LIMA1: variants seen among roughly 807,000 people sequenced by gnomAD.
LIMA1 encodes the protein LIM domain and actin binding 1.
Under a neutral mutation model 62.6 loss-of-function variants are expected in LIMA1, and 52 were observed. The ratio of observed to expected loss-of-function variants is 0.83; its 90% CI spans 0.67 to 1.05. The LOEUF (loss-of-function observed/expected upper bound fraction) is 1.05, where lower values mean the gene tolerates loss of function less well. Ranked by LOEUF, LIMA1 falls within the 50% of genes least tolerant of loss-of-function variation. The pLI, the probability that LIMA1 is intolerant of heterozygous loss-of-function variation, is 0.00. For missense variants in LIMA1, 780 were observed against 902.2 expected (o/e 0.86, Z 1.74); for synonymous variants, 302 against 317.8 (o/e 0.95, Z 0.53).
At chr12:50,259,608 A>AG (rs1414064569) in intron 1 of LIMA1, among the ~76,000 whole-genome samples, 2 of 152,218 alleles carry the variant, frequency 1.3e-5, no homozygotes, top group Non-Finnish European at 2.9e-5. Flanking sequence ...ATATAAAAAA[A>AG]TGGAACCACT....
At chr12:50,248,586 T>C (rs778423946) in intron 2 of LIMA1, 47 bp downstream of exon 2, 5 of 1,144,644 alleles carry the variant, frequency 4.4e-6, no homozygotes, top group Non-Finnish European at 6.6e-6. Context: ...CAGGTGGCAA[T>C]GTGTGCTCCA....
intron 1 of LIMA1, among the ~76,000 whole-genome samples, chr12:50,280,144 A>ATTTTTTTTTTTTTT (rs71441354): frequency 8.8e-5 from 6 of 68,266 alleles, no homozygotes; most frequent in African/African-American, 1.8e-4. Context: ...GGGTAGTAGT[A>ATTTTTTTTTTTTTT]TTTTTTTTTT....
chr12:50,255,971 C>T lies in LIMA1; in HGVS notation c.-23-7197G>A, dbSNP rs368412117. Among the ~76,000 whole-genome samples the T allele has an allele frequency of 6.6e-5, 10 of 152,092 alleles. No homozygotes were observed. The East Asian group carries it at 1.9e-3, about 29-fold the overall frequency. On this transcript the variant is annotated intron_variant, in intron 1 of 10. Coordinates refer to ENST00000341247, the MANE Select transcript of LIMA1 (RefSeq NM_016357.5). ...GTGGCGCAATCTCGGCTCACTGCAACCTCCGCCTCCCAGGTTCAAGCAATT... is the reference window on the plus strand; with the variant it reads ...GTGGCGCAATCTCGGCTCACTGCAATCTCCGCCTCCCAGGTTCAAGCAATT...
intron 10 of LIMA1, among the ~76,000 whole-genome samples, chr12:50,179,261 C>T (rs1940433164): frequency 1.3e-5 from 2 of 152,024 alleles, no homozygotes; most frequent in Admixed American, 1.3e-4. Context: ...CCTACCTCAG[C>T]CTCCTGAGTA....
At chr12:50,193,633 TG>T (rs1940852102) in intron 8 of LIMA1, among the ~76,000 whole-genome samples, 1 of 48,724 alleles carries the variant, frequency 2.1e-5, no homozygotes, top group Non-Finnish European at 3.7e-5. Flanking sequence ...TATATATACG[TG>T]TGTGTGTGTG....
intron 1 of LIMA1, among the ~76,000 whole-genome samples, chr12:50,266,121 A>G (rs1432096201): frequency 6.6e-6 from 1 of 152,096 alleles, no homozygotes; most frequent in Non-Finnish European, 1.5e-5. Context: ...CTCCCCCCAA[A>G]CCAATTCTAC....
At chr12:50,228,458 C>A (rs1941564416) in intron 3 of LIMA1, among the ~76,000 whole-genome samples, 1 of 152,166 alleles carries the variant, frequency 6.6e-6, no homozygotes, top group Non-Finnish European at 1.5e-5. Flanking sequence ...TCTGTTAACT[C>A]CCCTTCTAGA....
chr12:50,268,320 G>C (rs373571236), intron 1 of LIMA1, among the ~76,000 whole-genome samples: 10 of 152,202 alleles, frequency 6.6e-5, no homozygotes, highest in African/African-American at 2.2e-4. Flanking sequence ...CCACCACCCA[G>C]TCTAGTGCTT....
At chr12:50,280,231 T>C (rs1206083081) in intron 1 of LIMA1, among the ~76,000 whole-genome samples, 2 of 135,178 alleles carry the variant, frequency 1.5e-5, no homozygotes, top group African/African-American at 5.6e-5. Context: ...CTCCGCTCAC[T>C]GCAAGCTCCG....
chr12:50,227,840 T>C (rs879048566), intron 3 of LIMA1, among the ~76,000 whole-genome samples: 2 of 151,482 alleles, frequency 1.3e-5, no homozygotes, highest in Admixed American at 6.6e-5. Flanking sequence ...TTATTTGATA[T>C]GGTAATTTTT....
At chr12:50,261,043 T>TATATATA (rs1491446528) in intron 1 of LIMA1, among the ~76,000 whole-genome samples, 2 of 18,516 alleles carry the variant, frequency 1.1e-4, no homozygotes, top group Non-Finnish European at 2.0e-4. Flanking sequence ...ATCTAGTATA[T>TATATATA]TTTTTTTTTT....
intron 6 of LIMA1, 109 bp downstream of exon 6, chr12:50,204,443 G>C (rs1221686865): frequency 4.0e-6 from 5 of 1,237,256 alleles, no homozygotes; most frequent in East Asian, 2.6e-5. Flanking sequence ...ACAGCTAGGG[G>C]ACCAGGGCTC....
chr12:50,218,916 CAAAA>C (rs202162435), intron 4 of LIMA1, among the ~76,000 whole-genome samples: 3 of 138,706 alleles, frequency 2.2e-5, no homozygotes, highest in South Asian at 2.3e-4. Context: ...AAAACAAAAA[CAAAA>C]AAAAAACGCA....
Position 50,248,719 on chromosome 12 carries a change from C to A in LIMA1, c.33G>T (p.Trp11Cys), listed in dbSNP as rs1471316361. The stretch of plus-strand genomic sequence containing the variant: ...CTGTTACCCTCAATGATAGTGAGGT[C>A]CATTGCCGTCTATTAAATGGAGATG... MESSPFNRRQ[W>C]TSLSLRVTAK... The change falls in exon 2 of 11, where the codon TGG becomes TGT. Residue 11 changes from tryptophan (W) to cysteine (C), a missense_variant. Physicochemically the swap from Trp to Cys is radical, Grantham distance 215. Coordinates refer to ENST00000341247, the MANE Select transcript of LIMA1 (RefSeq NM_016357.5). The A allele has an allele frequency of 6.2e-7, 1 of 1,610,612 alleles. No individual in the cohort carries two copies. Among genetic ancestry groups the A allele is most frequent in the Non-Finnish European group, 8.5e-7 (1 of 1,176,766 alleles).
intron 4 of LIMA1, among the ~76,000 whole-genome samples, chr12:50,218,737 C>T (rs1312637873): frequency 2.0e-5 from 3 of 151,958 alleles, no homozygotes; most frequent in Non-Finnish European, 2.9e-5. Context: ...GAAACGCTGT[C>T]TCCATAAAAA....
intron 1 of LIMA1, among the ~76,000 whole-genome samples, chr12:50,280,255 C>T (rs976336694): frequency 6.9e-6 from 1 of 144,622 alleles, no homozygotes; most frequent in Non-Finnish European, 1.5e-5. Context: ...CCCGGGTTCA[C>T]GCCATTCTCC....
intron 4 of LIMA1, among the ~76,000 whole-genome samples, chr12:50,209,440 G>A (rs1002984740): frequency 2.6e-5 from 4 of 151,558 alleles, no homozygotes; most frequent in Admixed American, 1.3e-4. Context: ...GTGGCGGTGC[G>A]CACCTGTAAT....
intron 9 of LIMA1, among the ~76,000 whole-genome samples, chr12:50,184,066 T>C (rs1940573015): frequency 1.3e-5 from 2 of 151,908 alleles, no homozygotes; most frequent in Admixed American, 6.6e-5. Flanking sequence ...CAAAGCTGAG[T>C]GGAAATGGCT....
At chr12:50,203,722 A>C (rs1941100612) in intron 6 of LIMA1, among the ~76,000 whole-genome samples, 1 of 152,218 alleles carries the variant, frequency 6.6e-6, no homozygotes, top group South Asian at 2.1e-4. Flanking sequence ...TGAATATCAA[A>C]ATTTTCATGC....
Sources: gnomAD v4.1 joint callset for allele counts (sites outside exome capture counted in the v4.1 genomes callset) on GRCh38, gnomAD v4.1.1 for gene constraint, MANE v1.5 for transcripts, NCBI Gene and HGNC (gene_info 2026-07-23, HGNC 2026-07-21) for gene names.